The following CSMD1 variants were observed in gnomAD, a reference collection of about 807,000 sequenced individuals.
CSMD1 encodes the protein CUB and sushi domain-containing protein 1.
In CSMD1, 213 loss-of-function variants were observed where a neutral mutation model predicts 417.5. The ratio of observed to expected loss-of-function variants is 0.51; its 90% CI spans 0.46 to 0.57. CSMD1 has a LOEUF of 0.57. Among genes scored for constraint, CSMD1 ranks in the 20% least tolerant of loss-of-function variants. CSMD1 has a pLI of 0.00. For synonymous variants in CSMD1, 2,862 were observed against 1,736.8 expected (o/e 1.65, Z -16.11); for missense variants, 6,923 against 4,529.7 (o/e 1.53, Z -15.17).
chr8:4,594,594 C>A (rs1800160262), intron 2 of CSMD1, among the ~76,000 whole-genome samples: 1 of 152,040 alleles, frequency 6.6e-6, no homozygotes. Context: ...ACAACTTAAC[C>A]CATAACAGGA....
At chr8:4,898,712 A>T (rs888568160) in intron 1 of CSMD1, among the ~76,000 whole-genome samples, 2 of 152,194 alleles carry the variant, frequency 1.3e-5, no homozygotes, top group Admixed American at 6.5e-5. Context: ...AGATTTTATT[A>T]TATAGTCCTT....
intron 7 of CSMD1, among the ~76,000 whole-genome samples, chr8:3,625,583 T>C (rs60411133): frequency 0.023 from 3,437 of 152,192 alleles, 110 homozygotes; most frequent in African/African-American, 0.078. Context: ...TTTTAGTTTA[T>C]AGTAATTTAT....
intron 5 of CSMD1, among the ~76,000 whole-genome samples, chr8:3,757,564 A>C (rs2469412): frequency 6.6e-6 from 1 of 152,076 alleles, no homozygotes; most frequent in African/African-American, 2.4e-5. Flanking sequence ...GCATATATGA[A>C]GCGATTTGTA....
At chr8:3,166,533 C>A (rs1468309038) in intron 37 of CSMD1, among the ~76,000 whole-genome samples, 1 of 151,708 alleles carries the variant, frequency 6.6e-6, no homozygotes, top group Non-Finnish European at 1.5e-5. Flanking sequence ...GACTCCATCT[C>A]AAAAAAATAA....
intron 6 of CSMD1, among the ~76,000 whole-genome samples, chr8:3,736,606 A>G (rs978900907): frequency 8.5e-5 from 13 of 152,076 alleles, no homozygotes; most frequent in African/African-American, 2.9e-4. Context: ...CTCCTGCAAC[A>G]CCAGGCAATG....
At position 3,760,705 on chromosome 8, in the gene CSMD1, G is replaced by C. The variant is rs114606354; in HGVS notation, c.819-6663C>G. Among the ~76,000 whole-genome samples, 395 of 151,808 alleles carry C rather than the reference G, an allele frequency of 2.6e-3. 3 individuals are homozygous for C. The highest frequency in any genetic ancestry group is 9.2e-3 in the African/African-American group (379 of 41,086). On this transcript the variant is annotated intron_variant, in intron 5 of 69. Coordinates refer to ENST00000635120, the MANE Select transcript of CSMD1 (RefSeq NM_033225.6). ...TGCTAATGGTTTTGGATATCGCTTT[G>C]TTTGAGTACTTCTCTTACATTAAGC...
chr8:4,754,183 T>G (rs1330537036), intron 1 of CSMD1, among the ~76,000 whole-genome samples: 4 of 152,196 alleles, frequency 2.6e-5, no homozygotes, highest in African/African-American at 9.6e-5. Context: ...CTGAAACCTG[T>G]GCACTCCACC....
At chr8:3,698,604 T>C (rs938124657) in intron 7 of CSMD1, among the ~76,000 whole-genome samples, 1 of 152,192 alleles carries the variant, frequency 6.6e-6, no homozygotes. Flanking sequence ...CACACGTTCC[T>C]AATACAGCAC....
At position 3,260,112 on chromosome 8, in the gene CSMD1, A is replaced by G. The variant is rs79701970; in HGVS notation, c.4153+24032T>C. On this transcript the variant is annotated intron_variant, in intron 26 of 69. Transcript: ENST00000635120. ...ATATGGCATTTTTCTTTGCATGTAT[A>G]TGGCATTTCCCTTACCTTGCTCTTT... 8.7e-3 allele frequency among the ~76,000 whole-genome samples: 1,327 copies of G among 152,332 alleles called. 11 individuals carry two copies. Among genetic ancestry groups the G allele is most frequent in the Non-Finnish European group, 0.014 (957 of 68,034 alleles).
chr8:4,002,054 G>C (rs1344893467), intron 4 of CSMD1, among the ~76,000 whole-genome samples: 5 of 152,116 alleles, frequency 3.3e-5, no homozygotes, highest in South Asian at 2.1e-4. Context: ...ATAAAATATA[G>C]TAGAAGATTA....
intron 23 of CSMD1, among the ~76,000 whole-genome samples, chr8:3,326,931 C>G (rs989486644): frequency 1.3e-5 from 2 of 151,882 alleles, no homozygotes; most frequent in African/African-American, 2.4e-5. Flanking sequence ...AATCTCGGCT[C>G]TTAGGGAGGA....
chr8:3,477,708 T>A (rs929628144), intron 11 of CSMD1, among the ~76,000 whole-genome samples: 2 of 152,282 alleles, frequency 1.3e-5, no homozygotes, highest in East Asian at 3.9e-4. Context: ...GAATTTAAGC[T>A]CTGGAAGGCC....
At chr8:4,303,720 A>G (rs986818031) in intron 3 of CSMD1, among the ~76,000 whole-genome samples, 6 of 151,992 alleles carry the variant, frequency 3.9e-5, no homozygotes, top group Middle Eastern at 3.4e-3. Flanking sequence ...CACTGTCATT[A>G]TCTTGGCTCA....
chr8:4,795,793 T>A (rs1311726058), intron 1 of CSMD1, among the ~76,000 whole-genome samples: 4 of 152,102 alleles, frequency 2.6e-5, no homozygotes, highest in Non-Finnish European at 5.9e-5. Context: ...CTGAGTGCAA[T>A]TCATAAATCA....
chr8:3,730,610 TCTCA>T lies in CSMD1; in HGVS notation c.932-22123_932-22120del, dbSNP rs568380542. Among the ~76,000 whole-genome samples the T allele has an allele frequency of 1.9e-3, 282 of 152,256 alleles. 1 individual carries two copies. The highest frequency in any genetic ancestry group is 2.7e-3 in the Non-Finnish European group (184 of 68,016). On this transcript the variant is annotated intron_variant, in intron 6 of 69. Coordinates refer to ENST00000635120, the MANE Select transcript of CSMD1 (RefSeq NM_033225.6). The stretch of plus-strand genomic sequence containing the variant: ...TGGTTTCAGTGCCTACATGTGCACC[TCTCA>T]CTTATGTCATCCTCTAAAAAGCTTA...
intron 5 of CSMD1, among the ~76,000 whole-genome samples, chr8:3,943,181 A>C (rs1477249964): frequency 1.3e-5 from 2 of 152,102 alleles, no homozygotes; most frequent in East Asian, 3.9e-4. Flanking sequence ...GACTCAATTG[A>C]GGATGTTTCC....
chr8:3,052,413 A>G (rs936480502), intron 50 of CSMD1, 49 bp downstream of exon 50: 6 of 1,454,348 alleles, frequency 4.1e-6, no homozygotes, highest in South Asian at 4.0e-5. Context: ...GAAAGCATTC[A>G]GTTCCCACCT....
At chr8:4,982,368 A>T (rs1810940793) in intron 1 of CSMD1, among the ~76,000 whole-genome samples, 2 of 152,206 alleles carry the variant, frequency 1.3e-5, no homozygotes, top group South Asian at 4.1e-4. Flanking sequence ...TCCTGGTGGC[A>T]TCTGGTCCTG....
intron 5 of CSMD1, among the ~76,000 whole-genome samples, chr8:3,895,761 T>G (rs1323376869): frequency 6.6e-6 from 1 of 152,214 alleles, no homozygotes; most frequent in African/African-American, 2.4e-5. Flanking sequence ...ATTCAGTCAT[T>G]TAAGAAATAT....
Sources: gnomAD v4.1 joint callset for allele counts (sites outside exome capture counted in the v4.1 genomes callset) on GRCh38, gnomAD v4.1.1 for gene constraint, MANE v1.5 for transcripts, NCBI Gene and HGNC (gene_info 2026-07-23, HGNC 2026-07-21) for gene names.